Variants in LRRC1 observed in about 807,000 individuals in gnomAD.
The protein encoded by LRRC1 is leucine-rich repeat-containing protein 1.
LRRC1 carries 28 observed loss-of-function variants against 69.9 expected under a neutral mutation model. The ratio of observed to expected loss-of-function variants is 0.40; its 90% CI spans 0.30 to 0.55. LRRC1 has a LOEUF of 0.55. LRRC1 is among the 20% of genes least tolerant of loss of function. The probability of loss-of-function intolerance (pLI) is 0.47; values close to 1 mark genes in which losing one functional copy is unlikely to be tolerated. For synonymous variants in LRRC1, 236 were observed against 240.2 expected, an observed-to-expected ratio of 0.98 and a Z score of 0.16; for missense variants, 498 against 609.0, an observed-to-expected ratio of 0.82 and a Z score of 1.92.
intron 2 of LRRC1, among the ~76,000 whole-genome samples, chr6:53,865,964 C>T (rs181908145): frequency 2.8e-4 from 43 of 152,158 alleles, no homozygotes; most frequent in Non-Finnish European, 4.3e-4. Flanking sequence ...TTGTGATTCA[C>T]CTGCTTCAGC....
intron 4 of LRRC1, among the ~76,000 whole-genome samples, chr6:53,892,798 G>A (rs2127434485): frequency 6.6e-6 from 1 of 152,330 alleles, no homozygotes; most frequent in East Asian, 1.9e-4. Context: ...ACATTTTGGT[G>A]AAGGACTGTC....
intron 1 of LRRC1, among the ~76,000 whole-genome samples, chr6:53,796,040 G>A (rs1764290396): frequency 6.6e-6 from 1 of 152,244 alleles, no homozygotes; most frequent in African/African-American, 2.4e-5. Context: ...AGCGCTAGGG[G>A]CAGGTGCCCA....
intron 2 of LRRC1, among the ~76,000 whole-genome samples, chr6:53,862,115 G>C (rs1197063868): frequency 6.6e-6 from 1 of 152,138 alleles, no homozygotes; most frequent in African/African-American, 2.4e-5. Flanking sequence ...CATTTCTCTA[G>C]AGAATTCTGG....
In LRRC1 at chr6:53,923,654, G is replaced by A. The variant is rs959255423; in HGVS notation, c.*861G>A. ...TTTCTGAATAAGTCTCTCATAATGA[G>A]TGCAGTGTCAGACTGTGCCTACTCT... On this transcript the variant is annotated 3_prime_UTR_variant, in exon 14 of 14. Transcript: ENST00000370888. 2.0e-4 allele frequency: 31 copies of A among 152,526 alleles called. No individual in the cohort carries two copies. Among genetic ancestry groups the A allele is most frequent in the Middle Eastern group, 3.2e-3 (1 of 316 alleles). 9.4% of individuals were successfully genotyped at this position (152,526 alleles called of 1,614,324 possible).
chr6:53,813,536 G>T (rs201846109), intron 1 of LRRC1, among the ~76,000 whole-genome samples: 36 of 123,672 alleles, frequency 2.9e-4, no homozygotes, highest in Admixed American at 2.0e-3. Flanking sequence ...TGGCTCAGTG[G>T]TTTTTTTTTT....
chr6:53,840,599 CCTCTCTTTTTTT>C (rs1406969565), intron 1 of LRRC1, among the ~76,000 whole-genome samples: 1 of 152,008 alleles, frequency 6.6e-6, no homozygotes, highest in Non-Finnish European at 1.5e-5. Flanking sequence ...CATTAGTTTT[CCTCTCTTTTTTT>C]CTCCCACTTT....
chr6:53,871,620 T>A (rs1340292186), intron 2 of LRRC1, among the ~76,000 whole-genome samples: 1 of 152,208 alleles, frequency 6.6e-6, no homozygotes, highest in Non-Finnish European at 1.5e-5. Context: ...CCCTTTGTTG[T>A]GAAGAAGCTT....
intron 2 of LRRC1, among the ~76,000 whole-genome samples, chr6:53,859,606 T>G (rs1348745628): frequency 6.6e-6 from 1 of 152,158 alleles, no homozygotes; most frequent in Non-Finnish European, 1.5e-5. Context: ...CAGAAAATTA[T>G]TTTTGCCCAG....
intron 7 of LRRC1, among the ~76,000 whole-genome samples, chr6:53,898,453 AAG>A (rs942689024): frequency 2.0e-5 from 3 of 152,230 alleles, no homozygotes; most frequent in African/African-American, 7.2e-5. Flanking sequence ...GGGGAAAGGA[AAG>A]AGGTGTGTAT....
At chr6:53,921,965 C>T (rs1768755060) in intron 13 of LRRC1, among the ~76,000 whole-genome samples, 1 of 152,124 alleles carries the variant, frequency 6.6e-6, no homozygotes, top group Non-Finnish European at 1.5e-5. Flanking sequence ...CCCTAAAGCT[C>T]TTGGATAGGC....
intron 2 of LRRC1, among the ~76,000 whole-genome samples, chr6:53,873,763 T>A (rs1405774030): frequency 6.6e-6 from 1 of 152,228 alleles, no homozygotes; most frequent in Non-Finnish European, 1.5e-5. Flanking sequence ...CCAGTATGGA[T>A]GCCCTTTATT....
chr6:53,888,814 C>G (rs1413356519), intron 4 of LRRC1, among the ~76,000 whole-genome samples: 2 of 152,098 alleles, frequency 1.3e-5, no homozygotes, highest in African/African-American at 4.8e-5. Context: ...GGTTTCCTAG[C>G]TATGACACCA....
At chr6:53,887,306 A>G (rs1183557448) in intron 4 of LRRC1, among the ~76,000 whole-genome samples, 2 of 152,248 alleles carry the variant, frequency 1.3e-5, no homozygotes, top group Non-Finnish European at 2.9e-5. Context: ...ATTTTTAAAG[A>G]AACAAATGCT....
chr6:53,841,530 AT>A (rs1765790423), intron 1 of LRRC1, among the ~76,000 whole-genome samples: 1 of 152,184 alleles, frequency 6.6e-6, no homozygotes, highest in South Asian at 2.1e-4. Context: ...CTTTAGTGTC[AT>A]TTTAATACAG....
intron 1 of LRRC1, among the ~76,000 whole-genome samples, chr6:53,795,664 G>A (rs1263271989): frequency 6.6e-6 from 1 of 152,232 alleles, no homozygotes; most frequent in Non-Finnish European, 1.5e-5. Flanking sequence ...TATTGGAGAA[G>A]CGTTCTGGAC....
intron 2 of LRRC1, among the ~76,000 whole-genome samples, chr6:53,872,183 A>G (rs953925372): frequency 1.3e-5 from 2 of 152,152 alleles, no homozygotes; most frequent in African/African-American, 4.8e-5. Context: ...CGGTTTTTCC[A>G]GCGCACCTAA....
chr6:53,908,453 CCTT>C (rs989024455), intron 10 of LRRC1, among the ~76,000 whole-genome samples: 20 of 152,140 alleles, frequency 1.3e-4, no homozygotes, highest in Non-Finnish European at 2.6e-4. Context: ...AGTTTTTCTG[CCTT>C]CTTATTATTG....
chr6:53,832,773 A>G (rs1765467041), intron 1 of LRRC1, among the ~76,000 whole-genome samples: 3 of 152,276 alleles, frequency 2.0e-5, no homozygotes, highest in African/African-American at 7.2e-5. Flanking sequence ...ATCCTCTGTC[A>G]TCTGGCCTAA....
intron 1 of LRRC1, among the ~76,000 whole-genome samples, chr6:53,836,739 A>C (rs567556177): frequency 2.0e-5 from 3 of 152,346 alleles, no homozygotes; most frequent in South Asian, 2.1e-4. Flanking sequence ...TGTCACTGCC[A>C]TTCAGGTTAA....
Sources: allele counts gnomAD v4.1 joint callset (sites outside exome capture counted in the v4.1 genomes callset), GRCh38; gene constraint gnomAD v4.1.1; transcripts MANE v1.5; gene names NCBI Gene and HGNC (gene_info 2026-07-23, HGNC 2026-07-21).